Variants in PLEKHG7 observed in about 807,000 individuals in gnomAD.
The protein encoded by PLEKHG7 is pleckstrin homology and RhoGEF domain containing G7, also known as pleckstrin homology domain-containing family G member 7.
PLEKHG7 carries 77 observed loss-of-function variants against 85.2 expected under a neutral mutation model. That is an observed-to-expected ratio of 0.90 (90% CI 0.75 to 1.09). The LOEUF (loss-of-function observed/expected upper bound fraction) is 1.09. PLEKHG7 is among the 50% of genes least tolerant of loss of function. The probability of loss-of-function intolerance (pLI) is 0.00; values close to 1 mark genes in which losing one functional copy is unlikely to be tolerated. For synonymous variants in PLEKHG7, 301 were observed against 302.4 expected (o/e 1.00, Z 0.05); for missense variants, 777 against 804.3 (o/e 0.97, Z 0.41).
rs996681184 is a variant in PLEKHG7 at position 92,741,367 on chromosome 12, A to T, written c.1036-124A>T. 4.6e-5 allele frequency: 23 copies of T among 495,028 alleles called. No individual in the cohort carries two copies. The Admixed American group carries it at 8.1e-4, about 17-fold the overall frequency. The allele number at this position is 495,028 out of a possible 1,614,324, so 30.7% of individuals were successfully genotyped here. A position where few individuals can be genotyped will look rare whatever the true frequency, so the allele number is the denominator to read the frequency against. ...GAGAGTGGAGGAAATAAATCTTTGAATTTTTCTAGGAGATATATTTGAAAT... is the reference window on the plus strand; with the variant it reads ...GAGAGTGGAGGAAATAAATCTTTGATTTTTTCTAGGAGATATATTTGAAAT... On this transcript the variant is annotated intron_variant, in intron 8 of 16. Coordinates refer to ENST00000344636, the MANE Select transcript of PLEKHG7 (RefSeq NM_001377329.1).
At chr12:92,761,030 G>A (rs910928527) in intron 13 of PLEKHG7, among the ~76,000 whole-genome samples, 3 of 152,150 alleles carry the variant, frequency 2.0e-5, no homozygotes, top group Non-Finnish European at 2.9e-5. Flanking sequence ...AGGAGTGGGG[G>A]ATAGGGTGGA....
chr12:92,704,566 T>C (rs751294014), intron 1 of PLEKHG7, among the ~76,000 whole-genome samples: 3 of 152,208 alleles, frequency 2.0e-5, no homozygotes, highest in Non-Finnish European at 4.4e-5. Flanking sequence ...TGGGTTTTAG[T>C]TCTACATGTG....
In PLEKHG7 at chr12:92,745,617, G is replaced by A. The variant is rs1246558912; in HGVS notation, c.1251+26G>A. The A allele has an allele frequency of 1.9e-6, 3 of 1,540,854 alleles. 1 individual carries two copies. Among genetic ancestry groups the A allele is most frequent in the Non-Finnish European group, 2.7e-6 (3 of 1,115,252 alleles). ...GTAAAGTATCATTTTCTTTTCTTTT[G>A]TATTTTTGCTGATGCTTTTTGGGTG... On this transcript the variant is annotated intron_variant, in intron 10 of 16. Coordinates refer to ENST00000344636, the MANE Select transcript of PLEKHG7 (RefSeq NM_001377329.1).
Position 92,761,742 on chromosome 12 carries a change from T to A in PLEKHG7, c.1637-10T>A. On this transcript the variant is annotated splice_polypyrimidine_tract_variant and intron_variant, in intron 13 of 16. Coordinates refer to ENST00000344636, the MANE Select transcript of PLEKHG7 (RefSeq NM_001377329.1). ...CAGGTCCCCATTTCAGCTTCTCTTTTTTTCCTCAGAAAGCACGAGATTCCT... is the reference window on the plus strand; with the variant it reads ...CAGGTCCCCATTTCAGCTTCTCTTTATTTCCTCAGAAAGCACGAGATTCCT... The A allele has an allele frequency of 6.4e-7, 1 of 1,558,256 alleles. No individual in the cohort carries two copies. The highest frequency in any genetic ancestry group is 1.4e-5 in the African/African-American group (1 of 70,956).
chr12:92,762,748 T>C (rs1873075956), intron 14 of PLEKHG7, among the ~76,000 whole-genome samples: 1 of 152,236 alleles, frequency 6.6e-6, no homozygotes, highest in Admixed American at 6.5e-5. Context: ...CTTTACCAAA[T>C]GACTAGCCTT....
chr12:92,768,283 CTT>C (rs1167494409), intron 15 of PLEKHG7, among the ~76,000 whole-genome samples: 2 of 151,904 alleles, frequency 1.3e-5, no homozygotes, highest in Non-Finnish European at 2.9e-5. Flanking sequence ...AAAGAAGAGA[CTT>C]TCATTTTAAG....
intron 8 of PLEKHG7, 23 bp downstream of exon 8, chr12:92,740,971 T>C: frequency 6.6e-7 from 1 of 1,509,172 alleles, no homozygotes; most frequent in Non-Finnish European, 9.2e-7. Context: ...GGAAGATTCA[T>C]GTTTTAACAT....
At chr12:92,717,392 A>G (rs1565787309) in intron 3 of PLEKHG7, among the ~76,000 whole-genome samples, 1 of 152,216 alleles carries the variant, frequency 6.6e-6, no homozygotes, top group Non-Finnish European at 1.5e-5. Flanking sequence ...ACCTGGAGTT[A>G]AAATCTACTG....
intron 7 of PLEKHG7, 83 bp downstream of exon 7, chr12:92,737,604 TAAAG>T (rs1380284118): frequency 1.7e-6 from 2 of 1,192,296 alleles, no homozygotes; most frequent in Non-Finnish European, 2.3e-6. Context: ...CTGAAAGAAA[TAAAG>T]AAAAGAAAGA....
chr12:92,707,383 G>A, intron 2 of PLEKHG7: 2 of 1,427,230 alleles, frequency 1.4e-6, no homozygotes, highest in Non-Finnish European at 1.8e-6. Flanking sequence ...TTTGAGAAAG[G>A]ATGCACCAAG....
chr12:92,721,472 C>G (rs1318658094), intron 3 of PLEKHG7: 4 of 1,231,330 alleles, frequency 3.2e-6, no homozygotes, highest in African/African-American at 3.1e-5. Context: ...ATTCCAGCAG[C>G]CATGGGACTA....
chr12:92,768,138 G>A (rs4760402), intron 15 of PLEKHG7, among the ~76,000 whole-genome samples: 39,025 of 151,544 alleles, frequency 0.26, 5,580 homozygotes, highest in Non-Finnish European at 0.33. Flanking sequence ...AACCTGGGAG[G>A]CAGAGGTACA....
At chr12:92,739,351 A>G (rs977860702) in intron 7 of PLEKHG7, among the ~76,000 whole-genome samples, 6 of 152,232 alleles carry the variant, frequency 3.9e-5, no homozygotes, top group Non-Finnish European at 8.8e-5. Context: ...AGCTTGCCAC[A>G]TGGCACATGT....
chr12:92,707,846 T>C, intron 3 of PLEKHG7, 174 bp downstream of exon 3: 1 of 1,105,302 alleles, frequency 9.0e-7, no homozygotes, highest in South Asian at 1.5e-5. Flanking sequence ...ATTTCAAGAG[T>C]CTCCCTTTAA....
intron 5 of PLEKHG7, among the ~76,000 whole-genome samples, chr12:92,734,924 C>A (rs1872095070): frequency 6.6e-6 from 1 of 152,180 alleles, no homozygotes; most frequent in African/African-American, 2.4e-5. Context: ...CTCATTGCCT[C>A]TCCTAACCAC....
intron 5 of PLEKHG7, among the ~76,000 whole-genome samples, chr12:92,732,520 C>T (rs1047614128): frequency 1.3e-5 from 2 of 152,160 alleles, no homozygotes; most frequent in African/African-American, 4.8e-5. Flanking sequence ...CAAAGCAATC[C>T]TAATATAGTG....
At chr12:92,763,937 T>C (rs1338273583) in intron 14 of PLEKHG7, 104 bp from the exon 15 acceptor site, 9 of 955,062 alleles carry the variant, frequency 9.4e-6, no homozygotes, top group Admixed American at 3.2e-5. Flanking sequence ...ATAATAGTTT[T>C]TAGGCAATTG....
rs555435143 is a variant in PLEKHG7, at chr12:92,771,921, A to G, written c.*1726A>G. On this transcript the variant is annotated 3_prime_UTR_variant, in exon 17 of 17. Coordinates refer to ENST00000344636, the MANE Select transcript of PLEKHG7 (RefSeq NM_001377329.1). ...AAAACAGCTCAAGAATATGCTGTAC[A>G]TAAACTGGAATTCTATAAAGCTCAC... The G allele has an allele frequency of 6.6e-6, 1 of 152,176 alleles. No individual in the cohort carries two copies. The highest frequency in any genetic ancestry group is 2.1e-4 in the South Asian group (1 of 4,828). 9.4% of individuals were successfully genotyped at this position (152,176 alleles called of 1,614,324 possible).
At chr12:92,719,454 A>G (rs1001915994) in intron 3 of PLEKHG7, among the ~76,000 whole-genome samples, 1 of 152,208 alleles carries the variant, frequency 6.6e-6, no homozygotes, top group South Asian at 2.1e-4. Flanking sequence ...TTTACCATGA[A>G]CTCTTACTAC....
Sources: allele counts gnomAD v4.1 joint callset (sites outside exome capture counted in the v4.1 genomes callset), GRCh38; gene constraint gnomAD v4.1.1; transcripts MANE v1.5; gene names NCBI Gene and HGNC (gene_info 2026-07-23, HGNC 2026-07-21).